Variants in ST8SIA4 observed in about 807,000 individuals in gnomAD.
ST8SIA4 encodes CMP-N-acetylneuraminate-poly-alpha-2,8-sialyltransferase.
Under a neutral mutation model 33.9 loss-of-function variants are expected in ST8SIA4, and 15 were observed. The observed-to-expected ratio is 0.44, with a 90% confidence interval of 0.30 to 0.68. ST8SIA4 has a LOEUF of 0.68. ST8SIA4 is among the 30% of genes least tolerant of loss of function. The pLI is 0.10. For missense variants in ST8SIA4, 321 were observed against 428.0 expected (o/e 0.75, Z 2.21); for synonymous variants, 171 against 151.2 (o/e 1.13, Z -0.96).
chr5:100,881,603 T>A (rs566104826), intron 3 of ST8SIA4, among the ~76,000 whole-genome samples: 2 of 152,134 alleles, frequency 1.3e-5, no homozygotes, highest in Non-Finnish European at 2.9e-5. Flanking sequence ...ACAGAAAAAG[T>A]ATAAGGTCAA....
At chr5:100,886,064 A>C (rs1400241688) in intron 3 of ST8SIA4, 2 of 1,148,868 alleles carry the variant, frequency 1.7e-6, no homozygotes, top group Admixed American at 8.8e-5. Flanking sequence ...GTGGAATATT[A>C]AATTTAATAA....
chr5:100,827,042 CTTGT>C (rs1751163469), intron 4 of ST8SIA4, among the ~76,000 whole-genome samples: 1 of 151,714 alleles, frequency 6.6e-6, no homozygotes, highest in South Asian at 2.1e-4. Context: ...TTTGGGCACA[CTTGT>C]AGGGTGATAC....
intron 4 of ST8SIA4, among the ~76,000 whole-genome samples, chr5:100,829,034 C>A (rs1365272080): frequency 6.6e-6 from 1 of 152,222 alleles, no homozygotes; most frequent in African/African-American, 2.4e-5. Context: ...TGGGAATAGT[C>A]ATTTGTAGGT....
intron 3 of ST8SIA4, among the ~76,000 whole-genome samples, chr5:100,871,356 T>A (rs1561401118): frequency 6.6e-6 from 1 of 152,082 alleles, no homozygotes; most frequent in Non-Finnish European, 1.5e-5. Context: ...TCATCCCTAC[T>A]TTTAGGAATA....
intron 4 of ST8SIA4, among the ~76,000 whole-genome samples, chr5:100,830,653 A>G (rs992849693): frequency 6.6e-6 from 1 of 152,230 alleles, no homozygotes; most frequent in Admixed American, 6.5e-5. Context: ...TAATAACTTC[A>G]TGAGTTCAGG....
At chr5:100,881,866 A>T (rs541844722) in intron 3 of ST8SIA4, among the ~76,000 whole-genome samples, 1 of 152,304 alleles carries the variant, frequency 6.6e-6, no homozygotes, top group African/African-American at 2.4e-5. Flanking sequence ...ACCGCCATGT[A>T]AGAAGGGCCT....
chr5:100,814,441 A>AT, intron 4 of ST8SIA4, among the ~76,000 whole-genome samples: 1 of 152,134 alleles, frequency 6.6e-6, no homozygotes, highest in East Asian at 1.9e-4. Flanking sequence ...AGTTTGAATA[A>AT]TTTCAAAGAA....
intron 3 of ST8SIA4, among the ~76,000 whole-genome samples, chr5:100,867,720 C>A (rs1337594037): frequency 6.6e-6 from 1 of 151,838 alleles, no homozygotes. Flanking sequence ...CTTAGAAATA[C>A]CTTTTTGAAA....
chr5:100,853,985 ATGTG>A (rs55821438), intron 4 of ST8SIA4, among the ~76,000 whole-genome samples: 3 of 77,000 alleles, frequency 3.9e-5, no homozygotes, highest in East Asian at 5.5e-4. Context: ...GTGTGTGTGT[ATGTG>A]TGTGTGTGTG....
chr5:100,814,058 G>T (rs2112395356), intron 4 of ST8SIA4, among the ~76,000 whole-genome samples: 1 of 152,120 alleles, frequency 6.6e-6, no homozygotes, highest in East Asian at 1.9e-4. Flanking sequence ...TTTCCTCGAG[G>T]TTCATGTAAC....
chr5:100,857,949 G>A (rs1247501414), intron 3 of ST8SIA4, among the ~76,000 whole-genome samples: 3 of 151,938 alleles, frequency 2.0e-5, no homozygotes, highest in African/African-American at 7.2e-5. Flanking sequence ...GACAGAGTAT[G>A]TATTTGTTTC....
chr5:100,818,743 T>C (rs1750981567), intron 4 of ST8SIA4, among the ~76,000 whole-genome samples: 2 of 152,208 alleles, frequency 1.3e-5, no homozygotes, highest in Admixed American at 6.5e-5. Flanking sequence ...GACAATACTT[T>C]ATCAAACTTT....
intron 2 of ST8SIA4, among the ~76,000 whole-genome samples, chr5:100,889,241 A>G (rs530199126): frequency 6.6e-6 from 1 of 152,076 alleles, no homozygotes; most frequent in African/African-American, 2.4e-5. Context: ...AATAATTAAT[A>G]TCTGACACCT....
intron 4 of ST8SIA4, among the ~76,000 whole-genome samples, chr5:100,813,055 G>A (rs113786470): frequency 6.6e-6 from 1 of 152,000 alleles, no homozygotes; most frequent in African/African-American, 2.4e-5. Flanking sequence ...TATTTGGAGA[G>A]ATATGTGCTC....
At chr5:100,816,372 T>C (rs1750916860) in intron 4 of ST8SIA4, 2 of 408,700 alleles carry the variant, frequency 4.9e-6, no homozygotes, top group Non-Finnish European at 9.7e-6. Context: ...GGAACAAAAA[T>C]GTTATATTTA....
At chr5:100,895,270 T>C (rs1288090251) in intron 2 of ST8SIA4, among the ~76,000 whole-genome samples, 2 of 152,022 alleles carry the variant, frequency 1.3e-5, no homozygotes, top group Non-Finnish European at 2.9e-5. Context: ...TGTAATAGGC[T>C]CTAATTTTCA....
chr5:100,874,589 T>C (rs1415438526), intron 3 of ST8SIA4, among the ~76,000 whole-genome samples: 2 of 151,960 alleles, frequency 1.3e-5, no homozygotes, highest in East Asian at 3.9e-4. Context: ...CTTCCTTTTT[T>C]TGAGACAGGG....
chr5:100,878,766 G>T (rs2112464698), intron 3 of ST8SIA4, among the ~76,000 whole-genome samples: 1 of 152,186 alleles, frequency 6.6e-6, no homozygotes, highest in South Asian at 2.1e-4. Flanking sequence ...TTCTCAACTA[G>T]CTATTAAGTA....
At chr5:100,849,657 G>C (rs940629138) in intron 4 of ST8SIA4, among the ~76,000 whole-genome samples, 1 of 151,612 alleles carries the variant, frequency 6.6e-6, no homozygotes, top group Non-Finnish European at 1.5e-5. Flanking sequence ...CGGGCGTGGC[G>C]CCTCATTCCT....
Sources: allele counts gnomAD v4.1 joint callset (sites outside exome capture counted in the v4.1 genomes callset), GRCh38; gene constraint gnomAD v4.1.1; transcripts MANE v1.5; gene names NCBI Gene and HGNC (gene_info 2026-07-23, HGNC 2026-07-21).